Variants in MED15 observed in about 807,000 individuals in gnomAD.
The protein encoded by MED15 is mediator of RNA polymerase II transcription subunit 15.
MED15 carries 41 observed loss-of-function variants against 118.7 expected under a neutral mutation model. The observed-to-expected ratio is 0.35, with a 90% CI of 0.27 to 0.45. The LOEUF (loss-of-function observed/expected upper bound fraction) is 0.45, where lower values mean the gene tolerates loss of function less well. Ranked by LOEUF, MED15 falls within the 20% of genes least tolerant of loss-of-function variation. MED15 has a pLI of 1.00. For missense variants in MED15, 740 were observed against 1,025.5 expected, an observed-to-expected ratio of 0.72 and a Z score of 3.80; for synonymous variants, 436 against 413.9, an observed-to-expected ratio of 1.05 and a Z score of -0.65.
chr22:20,536,511 A>T (rs193137787), intron 1 of MED15, among the ~76,000 whole-genome samples: 1 of 152,240 alleles, frequency 6.6e-6, no homozygotes, highest in African/African-American at 2.4e-5. Context: ...GGGTTTTTAA[A>T]GATATTTTTC....
intron 1 of MED15, among the ~76,000 whole-genome samples, chr22:20,530,786 G>T (rs1396908908): frequency 1.3e-5 from 2 of 152,138 alleles, no homozygotes; most frequent in Non-Finnish European, 2.9e-5. Context: ...TGGCCTCAGG[G>T]TACACTGCAG....
At chr22:20,577,822 C>T (rs1601631715) in intron 9 of MED15, among the ~76,000 whole-genome samples, 1 of 151,964 alleles carries the variant, frequency 6.6e-6, no homozygotes, top group African/African-American at 2.4e-5. Context: ...TTCCTCGTCC[C>T]GGCAGTAGAC....
intron 1 of MED15, among the ~76,000 whole-genome samples, chr22:20,517,722 T>C (rs1208980049): frequency 6.6e-6 from 1 of 152,196 alleles, no homozygotes; most frequent in African/African-American, 2.4e-5. Context: ...TGAGTACTGC[T>C]GCAGGCCCAT....
At position 20,575,111 on chromosome 22, in the gene MED15, A is replaced by T. The variant is rs778864523; in HGVS notation, c.1153-2A>T. On this transcript the variant is annotated splice_acceptor_variant, in intron 8 of 17. Transcript: ENST00000263205. LOFTEE classifies it high-confidence loss of function. Reference sequence around the variant, plus strand: ...TTGTCTGTTGTCCCTCTGTCCTCAAAGATGATCACGGAAGCCTTGGCCCAA... The same window carrying T: ...TTGTCTGTTGTCCCTCTGTCCTCAATGATGATCACGGAAGCCTTGGCCCAA... 3 of 1,613,826 alleles carry T rather than the reference A, an allele frequency of 1.9e-6. No individual in the cohort carries two copies. Among genetic ancestry groups the T allele is most frequent in the Non-Finnish European group, 2.5e-6 (3 of 1,180,022 alleles).
intron 1 of MED15, among the ~76,000 whole-genome samples, chr22:20,536,511 A>G (rs193137787): frequency 4.1e-4 from 63 of 152,358 alleles, no homozygotes; most frequent in Admixed American, 6.5e-4. Context: ...GGGTTTTTAA[A>G]GATATTTTTC....
intron 1 of MED15, among the ~76,000 whole-genome samples, chr22:20,525,439 C>G (rs1021289958): frequency 6.6e-6 from 1 of 151,806 alleles, no homozygotes; most frequent in Non-Finnish European, 1.5e-5. Context: ...TCTTGAACTC[C>G]TGGCCTCTCA....
At chr22:20,574,967 C>T (rs1311318347) in intron 8 of MED15, 146 bp from the exon 9 acceptor site, 4 of 1,170,234 alleles carry the variant, frequency 3.4e-6, no homozygotes, top group Admixed American at 4.0e-5. Context: ...TGTGGGTGGC[C>T]TCCCCTCCCA....
At chr22:20,554,613 G>C in intron 4 of MED15, 1 of 226,930 alleles carries the variant, frequency 4.4e-6, no homozygotes. Flanking sequence ...ACAGCCAGGA[G>C]AGGCAGGGGT....
intron 5 of MED15, among the ~76,000 whole-genome samples, chr22:20,556,302 G>GTT (rs361842): frequency 4.6e-4 from 64 of 140,078 alleles, no homozygotes; most frequent in Middle Eastern, 3.6e-3. Flanking sequence ...GACTTCATCA[G>GTT]TTTTTTTTTT....
intron 1 of MED15, chr22:20,508,509 G>A (rs1003467725): frequency 1.1e-6 from 1 of 909,970 alleles, no homozygotes; most frequent in South Asian, 1.4e-5. Context: ...GAGAGTCAGC[G>A]AAGGGAGATA....
chr22:20,585,127 G>A lies in MED15; in HGVS notation c.1991G>A (p.Arg664His), dbSNP rs1243583964. 3 of 1,613,550 alleles carry A rather than the reference G, an allele frequency of 1.9e-6. No individual in the cohort carries two copies. The highest frequency in any genetic ancestry group is 2.5e-6 in the Non-Finnish European group (3 of 1,179,974). ...ITAPVVCTRK[R>H]RLEDDERQSI... ...GCCCCAGTGGTGTGCACCCGGAAGC[G>A]CAGGCTTGAGGATGATGAGCGGCAG... Residue 664 changes from arginine (R) to histidine (H), a missense_variant, in exon 16 of 18, where the codon CGC becomes CAC. Around this residue, in one of 7 missense-constraint regions of MED15, gnomAD observed 179 missense variants for 259.0 expected, o/e 0.69. Transcript: ENST00000263205.
rs75464755 is a variant in MED15, at chr22:20,546,275, C to T, written c.157-5161C>T. ...CCTTCTTATGAACTGGGTGCTAAAT[C>T]GGAGAGCAGAGAGGGTGCCGTGGTC... is the stretch of plus-strand genomic sequence containing the variant. On this transcript the variant is annotated intron_variant, in intron 2 of 17. Coordinates refer to ENST00000263205, the MANE Select transcript of MED15 (RefSeq NM_001003891.3). Among the ~76,000 whole-genome samples the T allele has an allele frequency of 8.1e-4, 124 of 152,180 alleles. 1 individual carries two copies. The highest frequency in any genetic ancestry group is 2.4e-3 in the African/African-American group (100 of 41,512).
chr22:20,513,945 C>T (rs1336171962), intron 1 of MED15, among the ~76,000 whole-genome samples: 1 of 152,164 alleles, frequency 6.6e-6, no homozygotes, highest in Non-Finnish European at 1.5e-5. Context: ...CCCACTGCAA[C>T]CTCTGGCTCC....
intron 2 of MED15, among the ~76,000 whole-genome samples, chr22:20,550,640 C>T (rs1443051249): frequency 6.6e-6 from 1 of 152,256 alleles, no homozygotes; most frequent in Non-Finnish European, 1.5e-5. Flanking sequence ...GGCACTTCAG[C>T]AGAAGACAAG....
chr22:20,552,250 C>T (rs2055807435), intron 3 of MED15, among the ~76,000 whole-genome samples: 2 of 152,186 alleles, frequency 1.3e-5, no homozygotes, highest in African/African-American at 2.4e-5. Context: ...ACAGGCCTGT[C>T]GTTGGAGCAT....
At position 20,582,664 on chromosome 22, in the gene MED15, G is replaced by A. The variant is rs1983300776; in HGVS notation, c.1326G>A (p.Val442=). The A allele has an allele frequency of 6.3e-7, 1 of 1,593,580 alleles. No individual in the cohort carries two copies. Among genetic ancestry groups the A allele is most frequent in the Non-Finnish European group, 8.5e-7 (1 of 1,176,386 alleles). Residue 442 remains valine, a synonymous_variant, in exon 10 of 18, where the codon GTG becomes GTA. Transcript: ENST00000263205. The part of the protein sequence containing the change: ...MLSSPSPGQQ[V]QTPQSMPPPP... ...CCTCGCCGTCACCGGGCCAGCAGGT[G>A]CAGACCCCGCAGTCGATGCCCCCTC...
intron 8 of MED15, among the ~76,000 whole-genome samples, chr22:20,572,326 C>T (rs569997365): frequency 6.6e-6 from 1 of 152,358 alleles, no homozygotes; most frequent in African/African-American, 2.4e-5. Flanking sequence ...GCTGCGGAAA[C>T]AGGCCTCTTG....
intron 1 of MED15, among the ~76,000 whole-genome samples, chr22:20,518,240 C>T (rs1323619672): frequency 1.3e-5 from 2 of 152,196 alleles, no homozygotes; most frequent in African/African-American, 4.8e-5. Context: ...CCCAGGCTTG[C>T]GTGCCTGGTG....
At chr22:20,546,179 C>T (rs1439312673) in intron 2 of MED15, among the ~76,000 whole-genome samples, 1 of 152,176 alleles carries the variant, frequency 6.6e-6, no homozygotes, top group Non-Finnish European at 1.5e-5. Context: ...AAGGAGCAGC[C>T]CAGCTGTCCT....
Sources: allele counts gnomAD v4.1 joint callset (sites outside exome capture counted in the v4.1 genomes callset), GRCh38; gene constraint gnomAD v4.1.1; regional missense constraint gnomAD v4.1.1; transcripts MANE v1.5; gene names NCBI Gene and HGNC (gene_info 2026-07-23, HGNC 2026-07-21).